Variants in ABHD17B observed in about 807,000 individuals in gnomAD.
ABHD17B encodes abhydrolase domain containing 17B, depalmitoylase, also known as alpha/beta hydrolase domain-containing protein 17B.
In ABHD17B, 9 loss-of-function variants were observed where a neutral mutation model predicts 26.2. The ratio of observed to expected loss-of-function variants is 0.34; its 90% confidence interval spans 0.21 to 0.60. The LOEUF is 0.60. Ranked by LOEUF, ABHD17B falls within the 20% of genes least tolerant of loss-of-function variation. The pLI is 0.80. For missense variants in ABHD17B, 224 were observed against 352.1 expected (o/e 0.64, Z 2.91); for synonymous variants, 127 against 122.3 (o/e 1.04, Z -0.25).
intron 1 of ABHD17B, among the ~76,000 whole-genome samples, chr9:71,895,890 A>G (rs1213198048): frequency 6.6e-6 from 1 of 152,160 alleles, no homozygotes; most frequent in Non-Finnish European, 1.5e-5. Context: ...GGTTCATGGA[A>G]AACTCCTGAA....
chr9:71,878,376 T>G (rs930361346), intron 1 of ABHD17B, among the ~76,000 whole-genome samples: 1 of 152,064 alleles, frequency 6.6e-6, no homozygotes, highest in Non-Finnish European at 1.5e-5. Context: ...AATATCACTA[T>G]CCATACTATA....
rs141233162 is a variant in ABHD17B, at chr9:71,891,946, G to A, written c.-3-16863C>T. On this transcript the variant is annotated intron_variant, in intron 1 of 3. Coordinates refer to ENST00000333421, the MANE Select transcript of ABHD17B (RefSeq NM_001025780.3). Reference sequence around the variant, plus strand: ...TGCCAACGAAGCCTTTGGACAGCACGATAGCACAGTGTAGTCCAAAGAGCA... The same window carrying A: ...TGCCAACGAAGCCTTTGGACAGCACAATAGCACAGTGTAGTCCAAAGAGCA... Among the ~76,000 whole-genome samples, 109 of 152,268 alleles carry A rather than the reference G, an allele frequency of 7.2e-4. 3 individuals carry two copies. In the East Asian group the frequency reaches 0.02, roughly 28 times the overall value.
intron 1 of ABHD17B, among the ~76,000 whole-genome samples, chr9:71,881,613 C>T (rs900504608): frequency 1.3e-5 from 2 of 152,146 alleles, no homozygotes; most frequent in African/African-American, 4.8e-5. Context: ...GACAGCTGGG[C>T]ACGGTGGCTC....
intron 1 of ABHD17B, among the ~76,000 whole-genome samples, chr9:71,896,300 C>A (rs1169837152): frequency 6.6e-6 from 1 of 152,082 alleles, no homozygotes; most frequent in East Asian, 1.9e-4. Flanking sequence ...ACTTCAATTT[C>A]TTTTTTTATC....
At chr9:71,908,761 C>T (rs1827359831) in intron 1 of ABHD17B, among the ~76,000 whole-genome samples, 1 of 152,192 alleles carries the variant, frequency 6.6e-6, no homozygotes, top group African/African-American at 2.4e-5. Flanking sequence ...AGTAAGAGCA[C>T]TGCATTAAAA....
chr9:71,870,405 T>C, intron 2 of ABHD17B, 143 bp from the exon 3 acceptor site: 1 of 609,962 alleles, frequency 1.6e-6, no homozygotes, highest in South Asian at 4.0e-5. Context: ...CTATTACTGT[T>C]AGTTTTAACA....
chr9:71,885,882 T>C (rs923999755), intron 1 of ABHD17B, among the ~76,000 whole-genome samples: 6 of 152,204 alleles, frequency 3.9e-5, no homozygotes, highest in Non-Finnish European at 5.9e-5. Context: ...TTACTACTAA[T>C]TATTATAAGG....
intron 1 of ABHD17B, among the ~76,000 whole-genome samples, chr9:71,902,029 T>C (rs903384739): frequency 3.3e-5 from 5 of 152,218 alleles, no homozygotes. Context: ...TAACAGGCTG[T>C]TCCTCGCTAA....
intron 1 of ABHD17B, among the ~76,000 whole-genome samples, chr9:71,903,780 T>C (rs1827208963): frequency 6.6e-6 from 1 of 152,208 alleles, no homozygotes; most frequent in Admixed American, 6.5e-5. Context: ...TATCAAATAA[T>C]GACACAGATA....
downstream of ABHD17B, chr9:71,862,623 A>G (rs1479642105): frequency 3.8e-6 from 4 of 1,052,350 alleles, no homozygotes; most frequent in East Asian, 9.5e-5. Context: ...AAATAAAGGG[A>G]TTAGGCTATA....
At chr9:71,879,303 T>C (rs1298771563) in intron 1 of ABHD17B, among the ~76,000 whole-genome samples, 1 of 152,216 alleles carries the variant, frequency 6.6e-6, no homozygotes, top group African/African-American at 2.4e-5. Context: ...GACAACAAAG[T>C]ATATCCCTAA....
intron 1 of ABHD17B, among the ~76,000 whole-genome samples, chr9:71,890,766 G>C (rs1270627666): frequency 6.6e-6 from 1 of 152,096 alleles, no homozygotes; most frequent in Non-Finnish European, 1.5e-5. Context: ...TTAATTTTCT[G>C]AAGTTTTTGC....
At chr9:71,906,694 T>G (rs1032080939) in intron 1 of ABHD17B, among the ~76,000 whole-genome samples, 1 of 152,240 alleles carries the variant, frequency 6.6e-6, no homozygotes, top group East Asian at 1.9e-4. Flanking sequence ...GGTGCATACC[T>G]GTAGTCCCAG....
At chr9:71,882,390 G>A (rs559692039) in intron 1 of ABHD17B, among the ~76,000 whole-genome samples, 1 of 152,362 alleles carries the variant, frequency 6.6e-6, no homozygotes, top group African/African-American at 2.4e-5. Flanking sequence ...GCGCAGCAGA[G>A]GCTCACGCCT....
At chr9:71,879,240 T>C (rs186581139) in intron 1 of ABHD17B, among the ~76,000 whole-genome samples, 16 of 152,232 alleles carry the variant, frequency 1.1e-4, no homozygotes, top group African/African-American at 3.9e-4. Context: ...TAAAGGAGAA[T>C]AGTTAATACA....
chr9:71,908,886 T>A (rs1169931612), intron 1 of ABHD17B, among the ~76,000 whole-genome samples: 1 of 152,200 alleles, frequency 6.6e-6, no homozygotes, highest in Non-Finnish European at 1.5e-5. Flanking sequence ...AGCCCTATAT[T>A]ACAGATGGAG....
intron 1 of ABHD17B, among the ~76,000 whole-genome samples, chr9:71,878,570 G>A (rs1826348128): frequency 6.6e-6 from 1 of 152,212 alleles, no homozygotes; most frequent in African/African-American, 2.4e-5. Context: ...ACAATGGAGA[G>A]ATAATTTTAA....
intron 1 of ABHD17B, among the ~76,000 whole-genome samples, chr9:71,902,824 T>C (rs186813095): frequency 1.1e-4 from 16 of 152,324 alleles, no homozygotes; most frequent in Admixed American, 1.0e-3. Flanking sequence ...AAAAGTTTAT[T>C]ATACGAATTA....
chr9:71,882,614 C>T lies in ABHD17B; in HGVS notation c.-3-7531G>A, dbSNP rs371372149. On this transcript the variant is annotated intron_variant, in intron 1 of 3. Coordinates refer to ENST00000333421, the MANE Select transcript of ABHD17B (RefSeq NM_001025780.3). ...CGGAGGTTGCAGTGAGCTGAGATCG[C>T]GCCACTGCACTCCAACCTGGGCAAC... 9.6e-4 allele frequency among the ~76,000 whole-genome samples: 145 copies of T among 150,588 alleles called. 1 individual carries two copies. The highest frequency in any genetic ancestry group is 2.8e-3 in the African/African-American group (113 of 40,932).
Sources: allele counts gnomAD v4.1 joint callset (sites outside exome capture counted in the v4.1 genomes callset), GRCh38; gene constraint gnomAD v4.1.1; transcripts MANE v1.5; gene names NCBI Gene and HGNC (gene_info 2026-07-23, HGNC 2026-07-21).